EXOC4: variants seen among roughly 807,000 people sequenced by gnomAD.
The protein encoded by EXOC4 is SEC8-like 1.
A neutral mutation model predicts 107.2 loss-of-function variants in EXOC4; 71 were observed. That is an observed-to-expected ratio of 0.66 (90% confidence interval 0.55 to 0.81). EXOC4 has a LOEUF of 0.81. EXOC4 is among the 30% of genes least tolerant of loss of function. The probability of loss-of-function intolerance (pLI) is 0.00; values close to 1 mark genes in which losing one functional copy is unlikely to be tolerated. For synonymous variants in EXOC4, 456 were observed against 441.2 expected, an observed-to-expected ratio of 1.03 and a Z score of -0.42; for missense variants, 1,108 against 1,189.6, an observed-to-expected ratio of 0.93 and a Z score of 1.01.
the EXOC4 span, among the ~76,000 whole-genome samples, chr7:134,078,630 T>G: frequency 6.6e-6 from 1 of 152,212 alleles, no homozygotes. Context: ...GTTCCTTGTA[T>G]TTCTCTGATG....
At chr7:133,636,429 C>A (rs1390786193) in intron 10 of EXOC4, among the ~76,000 whole-genome samples, 1 of 152,076 alleles carries the variant, frequency 6.6e-6, no homozygotes, top group Admixed American at 6.6e-5. Flanking sequence ...AAAGTTTATG[C>A]AAAAAGTGAG....
At chr7:133,969,331 C>A (rs972832347) in intron 14 of EXOC4, among the ~76,000 whole-genome samples, 1 of 152,190 alleles carries the variant, frequency 6.6e-6, no homozygotes, top group African/African-American at 2.4e-5. Flanking sequence ...CCTTCTGAAG[C>A]CTACTTCTGT....
chr7:133,786,266 G>C (rs1395094575), intron 10 of EXOC4, among the ~76,000 whole-genome samples: 2 of 152,184 alleles, frequency 1.3e-5, no homozygotes, highest in East Asian at 3.9e-4. Flanking sequence ...CGGAGACCCA[G>C]TCATTACAAG....
At chr7:133,946,105 C>T (rs1800543324) in intron 14 of EXOC4, among the ~76,000 whole-genome samples, 1 of 152,210 alleles carries the variant, frequency 6.6e-6, no homozygotes, top group African/African-American at 2.4e-5. Flanking sequence ...CCTCCTCAGC[C>T]TACCTTACAT....
intron 9 of EXOC4, among the ~76,000 whole-genome samples, chr7:133,527,957 A>G (rs1800111529): frequency 6.6e-6 from 1 of 152,176 alleles, no homozygotes; most frequent in South Asian, 2.1e-4. Context: ...CTCGAACTTT[A>G]TTTGCATCAG....
chr7:133,788,609 C>T (rs1485365495), intron 10 of EXOC4, among the ~76,000 whole-genome samples: 1 of 152,116 alleles, frequency 6.6e-6, no homozygotes, highest in Non-Finnish European at 1.5e-5. Context: ...TCTCCTGCCT[C>T]AGCCTCCCTA....
intron 10 of EXOC4, among the ~76,000 whole-genome samples, chr7:133,712,240 G>C (rs1794907896): frequency 6.6e-6 from 1 of 152,042 alleles, no homozygotes; most frequent in Non-Finnish European, 1.5e-5. Context: ...GGGAGTTCAA[G>C]AGTAGCCTGA....
intron 9 of EXOC4, among the ~76,000 whole-genome samples, chr7:133,505,262 A>G (rs1799646389): frequency 6.6e-6 from 1 of 152,108 alleles, no homozygotes; most frequent in Admixed American, 6.6e-5. Flanking sequence ...TGAGTTCTTA[A>G]TGATTCCCAG....
At chr7:133,274,555 C>T (rs910903487) in intron 1 of EXOC4, among the ~76,000 whole-genome samples, 2 of 152,114 alleles carry the variant, frequency 1.3e-5, no homozygotes, top group Admixed American at 1.3e-4. Flanking sequence ...TACAGTGATA[C>T]CTAGGGTTGG....
chr7:133,811,868 C>T (rs1347484481), intron 10 of EXOC4, among the ~76,000 whole-genome samples: 1 of 152,170 alleles, frequency 6.6e-6, no homozygotes, highest in African/African-American at 2.4e-5. Context: ...GTCCTAGTTT[C>T]AGGAACTATG....
At chr7:133,600,683 A>AATAC (rs1229037925) in intron 9 of EXOC4, among the ~76,000 whole-genome samples, 1 of 152,226 alleles carries the variant, frequency 6.6e-6, no homozygotes, top group Non-Finnish European at 1.5e-5. Flanking sequence ...TAAATAAATA[A>AATAC]ATAAAGTCTG....
At chr7:133,306,484 G>A (rs1326008096) in intron 4 of EXOC4, among the ~76,000 whole-genome samples, 1 of 152,070 alleles carries the variant, frequency 6.6e-6, no homozygotes, top group Non-Finnish European at 1.5e-5. Flanking sequence ...GATTGCATGA[G>A]CCCAAGAGTT....
chr7:133,960,247 C>G (rs1191499566), intron 14 of EXOC4, among the ~76,000 whole-genome samples: 1 of 152,044 alleles, frequency 6.6e-6, no homozygotes, highest in Non-Finnish European at 1.5e-5. Flanking sequence ...CTTTAAACAA[C>G]GAATAAAACT....
intron 2 of EXOC4, among the ~76,000 whole-genome samples, chr7:133,284,815 G>A (rs1298754242): frequency 1.3e-5 from 2 of 152,130 alleles, no homozygotes; most frequent in East Asian, 1.9e-4. Context: ...GATTACAGGC[G>A]TGAGCCACCG....
At chr7:133,491,974 A>G (rs1419991302) in intron 9 of EXOC4, among the ~76,000 whole-genome samples, 2 of 152,192 alleles carry the variant, frequency 1.3e-5, no homozygotes, top group Admixed American at 1.3e-4. Flanking sequence ...AAGATTGAAC[A>G]TAGACATGGA....
chr7:133,812,270 G>A (rs941145227), intron 10 of EXOC4, among the ~76,000 whole-genome samples: 5 of 152,110 alleles, frequency 3.3e-5, no homozygotes, highest in African/African-American at 7.2e-5. Flanking sequence ...ACTGTGTGCC[G>A]GTCTCTGTTT....
chr7:133,706,013 T>G (rs1794762253), intron 10 of EXOC4, among the ~76,000 whole-genome samples: 1 of 152,258 alleles, frequency 6.6e-6, no homozygotes, highest in Non-Finnish European at 1.5e-5. Context: ...GCAGACAGCA[T>G]TTAACTAGCA....
intron 11 of EXOC4, among the ~76,000 whole-genome samples, chr7:133,820,179 G>A (rs1284994191): frequency 2.3e-5 from 1 of 42,708 alleles, no homozygotes; most frequent in Non-Finnish European, 5.4e-5. Context: ...TTTTTTTTTG[G>A]TGATTATGTT....
intron 9 of EXOC4, among the ~76,000 whole-genome samples, chr7:133,523,039 A>G (rs979184343): frequency 1.3e-5 from 2 of 152,198 alleles, no homozygotes; most frequent in African/African-American, 4.8e-5. Context: ...GCCAGTAAGA[A>G]ATACATCGAA....
Sources: gnomAD v4.1 joint callset for allele counts (sites outside exome capture counted in the v4.1 genomes callset) on GRCh38, gnomAD v4.1.1 for gene constraint, MANE v1.5 for transcripts, NCBI Gene and HGNC (gene_info 2026-07-23, HGNC 2026-07-21) for gene names.